Variants in RIPOR2 observed in about 807,000 individuals in gnomAD.
RIPOR2 encodes RHO family interacting cell polarization regulator 2, also known as rho family-interacting cell polarization regulator 2.
Under a neutral mutation model 114.5 loss-of-function variants are expected in RIPOR2, and 39 were observed. The ratio of observed to expected loss-of-function variants is 0.34; its 90% CI spans 0.26 to 0.44. The LOEUF (loss-of-function observed/expected upper bound fraction) is 0.44. RIPOR2 is among the 20% of genes least tolerant of loss of function. The pLI, the probability that RIPOR2 is intolerant of heterozygous loss-of-function variation, is 1.00. For missense variants in RIPOR2, 1,007 were observed against 1,255.1 expected (o/e 0.80, Z 2.99); for synonymous variants, 445 against 484.4 (o/e 0.92, Z 1.07).
chr6:24,956,138 A>C (rs1031269924), intron 1 of RIPOR2, among the ~76,000 whole-genome samples: 1 of 152,204 alleles, frequency 6.6e-6, no homozygotes, highest in Admixed American at 6.5e-5. Context: ...AAACATTAAG[A>C]GACAATTACT....
At chr6:24,938,723 A>G (rs1034045291), upstream of RIPOR2, among the ~76,000 whole-genome samples, 1 of 152,168 alleles carries the variant, frequency 6.6e-6, no homozygotes. Flanking sequence ...TCCAATTTAG[A>G]TATCTCAGAA....
Position 24,954,455 on chromosome 6 carries a change from C to CTTTTTTTTTTTT in RIPOR2, c.77-78639_77-78638insAAAAAAAAAAAA, listed in dbSNP as rs372356246. The stretch of plus-strand genomic sequence containing the variant: ...AACTGTGCAGGCCCAGTCTCTCTCT[C>CTTTTTTTTTTTT]CTTTTTTTTTTTTTTTTTGAGACAG... On this transcript the variant is annotated intron_variant, in intron 1 of 13. Coordinates refer to the RIPOR2 transcript ENST00000510784. Among the ~76,000 whole-genome samples the CTTTTTTTTTTTT allele has an allele frequency of 1.5e-4, 17 of 116,252 alleles. 8 individuals are homozygous for CTTTTTTTTTTTT. Among genetic ancestry groups the CTTTTTTTTTTTT allele is most frequent in the Non-Finnish European group, 1.7e-4 (10 of 58,480 alleles). The allele number at this position is 116,252 out of a possible 152,430, so 76.3% of individuals were successfully genotyped here. A position where few individuals can be genotyped will look rare whatever the true frequency, so the allele number is the denominator to read the frequency against.
upstream of RIPOR2, chr6:25,042,033 A>C: frequency 6.3e-6 from 3 of 474,830 alleles, no homozygotes; most frequent in East Asian, 3.4e-5. Flanking sequence ...AAGAAAACTT[A>C]ACCCCCCCCT....
intron 1 of RIPOR2, among the ~76,000 whole-genome samples, chr6:25,033,976 A>T (rs1777120738): frequency 6.6e-6 from 1 of 151,894 alleles, no homozygotes; most frequent in South Asian, 2.1e-4. Flanking sequence ...TTTGAAATAC[A>T]GTTCATTGGT....
chr6:25,032,159 C>T (rs1181976428), intron 1 of RIPOR2, among the ~76,000 whole-genome samples: 2 of 150,616 alleles, frequency 1.3e-5, no homozygotes, highest in Admixed American at 6.6e-5. Context: ...CCCTTTGATG[C>T]GGTATCAGCA....
At chr6:24,961,790 T>C (rs1773321335) in intron 1 of RIPOR2, among the ~76,000 whole-genome samples, 1 of 152,080 alleles carries the variant, frequency 6.6e-6, no homozygotes, top group African/African-American at 2.4e-5. Context: ...CATGCCTGGC[T>C]AATTTTTTGT....
At chr6:24,942,610 T>A (rs925161914) in intron 1 of RIPOR2, among the ~76,000 whole-genome samples, 3 of 152,230 alleles carry the variant, frequency 2.0e-5, no homozygotes, top group Admixed American at 6.5e-5. Flanking sequence ...CCATTCTGAC[T>A]GGTGTGAGAT....
At position 24,832,284 on chromosome 6, in the gene RIPOR2, G is replaced by A; in HGVS notation, c.2316C>T (p.Asn772=). 9 of 1,551,718 alleles carry A rather than the reference G, an allele frequency of 5.8e-6. No individual in the cohort carries two copies. The highest frequency in any genetic ancestry group is 7.8e-6 in the Non-Finnish European group (9 of 1,146,954). ...MEKLAAVSDE[N]IGNISSVVEA... is the part of the protein sequence containing the mutation. ...CCACAACAGAACTGATATTTCCTATGTTCTCATCACTGACAGCTGCGAGTT... is the reference window on the plus strand; with the variant it reads ...CCACAACAGAACTGATATTTCCTATATTCTCATCACTGACAGCTGCGAGTT... Residue 772 remains asparagine (N), a synonymous_variant, in exon 16 of 22, where the codon AAC becomes AAT. Coordinates refer to ENST00000643898, the MANE Select transcript of RIPOR2 (RefSeq NM_001286445.3).
At chr6:24,973,785 T>A (rs1407377700) in intron 1 of RIPOR2, among the ~76,000 whole-genome samples, 1 of 152,068 alleles carries the variant, frequency 6.6e-6, no homozygotes, top group African/African-American at 2.4e-5. Flanking sequence ...TTAAATCATG[T>A]CCTTAGCAGC....
At chr6:24,916,955 C>A (rs1258600146) in intron 1 of RIPOR2, among the ~76,000 whole-genome samples, 1 of 152,144 alleles carries the variant, frequency 6.6e-6, no homozygotes, top group Non-Finnish European at 1.5e-5. Context: ...CATAGGTAGA[C>A]AACAATCAGT....
chr6:24,858,989 T>C lies in RIPOR2; in HGVS notation c.715+1984A>G, dbSNP rs1417530938. Among the ~76,000 whole-genome samples the C allele has an allele frequency of 6.6e-6, 1 of 152,148 alleles. No individual in the cohort carries two copies. The highest frequency in any genetic ancestry group is 1.5e-5 in the Non-Finnish European group (1 of 68,022). On this transcript the variant is annotated intron_variant, in intron 8 of 21. Coordinates refer to ENST00000643898, the MANE Select transcript of RIPOR2 (RefSeq NM_001286445.3). This position sits in a 1 kb window ranked among gnomAD's most constrained non-coding sequence, Gnocchi z 4.0. Reference sequence around the variant, plus strand: ...AGGATCTGCCCGTGAGGGAGACCATTCTTTGAGCAATGGTTTATATTGTCT... The same window carrying C: ...AGGATCTGCCCGTGAGGGAGACCATCCTTTGAGCAATGGTTTATATTGTCT...
chr6:24,820,528 C>G (rs1759592203), intron 19 of RIPOR2, among the ~76,000 whole-genome samples: 1 of 152,236 alleles, frequency 6.6e-6, no homozygotes. Context: ...TTCCCAAGAC[C>G]CTTTCTCTCC....
intron 9 of RIPOR2, among the ~76,000 whole-genome samples, chr6:24,850,946 AGTGCAATG>A (rs1277314680): frequency 1.4e-5 from 2 of 147,614 alleles, no homozygotes; most frequent in Non-Finnish European, 3.0e-5. Context: ...CTCAGGCTGG[AGTGCAATG>A]GTGTGATCTT....
intron 1 of RIPOR2, among the ~76,000 whole-genome samples, chr6:25,020,466 G>C (rs1041559950): frequency 1.3e-5 from 2 of 152,196 alleles, no homozygotes; most frequent in Admixed American, 6.5e-5. Context: ...ATAAGTCAAT[G>C]TGATATTCAT....
intron 1 of RIPOR2, among the ~76,000 whole-genome samples, chr6:24,981,702 T>C (rs913439395): frequency 1.2e-4 from 19 of 152,344 alleles, no homozygotes; most frequent in African/African-American, 4.1e-4. Context: ...GTCGAATTCC[T>C]ACCTCTGCCA....
At chr6:24,829,476 A>C (rs747461819) in intron 17 of RIPOR2, among the ~76,000 whole-genome samples, 1 of 152,076 alleles carries the variant, frequency 6.6e-6, no homozygotes, top group Non-Finnish European at 1.5e-5. Context: ...AAAAGTACAA[A>C]AATTGGCCAG....
chr6:24,959,305 A>C (rs1177063359), intron 1 of RIPOR2, among the ~76,000 whole-genome samples: 2 of 152,214 alleles, frequency 1.3e-5, no homozygotes, highest in African/African-American at 4.8e-5. Context: ...AATTCAACTC[A>C]TAACTGGTAG....
intron 1 of RIPOR2, among the ~76,000 whole-genome samples, chr6:24,996,689 C>T (rs1053178539): frequency 6.6e-6 from 1 of 152,210 alleles, no homozygotes; most frequent in Admixed American, 6.5e-5. Flanking sequence ...TCTCTAAGAA[C>T]CCCTTCCCCA....
intron 1 of RIPOR2, among the ~76,000 whole-genome samples, chr6:24,994,537 A>G (rs996057127): frequency 2.6e-5 from 4 of 152,182 alleles, no homozygotes; most frequent in African/African-American, 9.7e-5. Flanking sequence ...GCTGCTCCCT[A>G]GCCCACTTTC....
Sources: gnomAD v4.1 joint callset for allele counts (sites outside exome capture counted in the v4.1 genomes callset) on GRCh38, gnomAD v4.1.1 for gene constraint, Gnocchi (gnomAD v3.1) non-coding constraint, MANE v1.5 for transcripts, NCBI Gene and HGNC (gene_info 2026-07-23, HGNC 2026-07-21) for gene names.